The following LZTR1 variants were observed in gnomAD, a reference collection of about 807,000 sequenced individuals.
LZTR1 encodes leucine zipper like post translational regulator 1.
LZTR1 carries 260 observed loss-of-function variants against 105.7 expected under a neutral mutation model. The ratio of observed to expected loss-of-function variants is 2.46; its 90% CI spans 2.22 to 2.72. The LOEUF (loss-of-function observed/expected upper bound fraction) is 2.72, where lower values mean the gene tolerates loss of function less well. Ranked by LOEUF, LZTR1 falls within the 30% of genes most tolerant of loss-of-function variation. The probability of loss-of-function intolerance (pLI) is 0.00; values close to 1 mark genes in which losing one functional copy is unlikely to be tolerated. For synonymous variants in LZTR1, 490 were observed against 476.4 expected (o/e 1.03, Z -0.37); for missense variants, 1,214 against 1,166.9 (o/e 1.04, Z -0.59).
Position 20,994,172 on chromosome 22 carries a change from G to T in LZTR1, c.1518G>T (p.Pro506=). The T allele has an allele frequency of 6.3e-7, 1 of 1,598,782 alleles. No individual in the cohort carries two copies. The highest frequency in any genetic ancestry group is 8.5e-7 in the Non-Finnish European group (1 of 1,174,694). ...APGVAAGGAR[P]PLLHVAIREA... is the part of the protein sequence containing the mutation. ...GCGTGGCTGCTGGTGGGGCCCGGCCGCCCCTGCTGCACGTGGCCATCCGGG... is the reference window on the plus strand; with the variant it reads ...GCGTGGCTGCTGGTGGGGCCCGGCCTCCCCTGCTGCACGTGGCCATCCGGG... Residue 506 remains proline, a synonymous_variant, in exon 14 of 21, where the codon CCG becomes CCT. Transcript: ENST00000646124.
At position 20,982,355 on chromosome 22, in the gene LZTR1, T is replaced by G; in HGVS notation, c.-17T>G. The G allele has an allele frequency of 6.5e-7, 1 of 1,541,108 alleles. No homozygotes were observed. Among genetic ancestry groups the G allele is most frequent in the Non-Finnish European group, 8.8e-7 (1 of 1,141,268 alleles). On this transcript the variant is annotated 5_prime_UTR_variant, in exon 1 of 21. Transcript: ENST00000646124. ...CAAGTTGGGCTTACAGCGCGGCCGA[T>G]CCGGCGTGGACCCGGGATGGCTGGA...
At position 20,994,185 on chromosome 22, in the gene LZTR1, G is replaced by A. The variant is rs200062851; in HGVS notation, c.1531G>A (p.Val511Met). Residue 511 changes from valine (V) to methionine (M), a missense_variant, in exon 14 of 21, where the codon GTG becomes ATG. Coordinates refer to ENST00000646124, the MANE Select transcript of LZTR1 (RefSeq NM_006767.4). ...TGGGGCCCGGCCGCCCCTGCTGCAC[G>A]TGGCCATCCGGGAGGCCGAGGCCCG... ...AGGARPPLLH[V>M]AIREAEARPF... The A allele has an allele frequency of 1.0e-4, 168 of 1,602,972 alleles. 1 individual carries two copies. In the African/African-American group the frequency reaches 1.3e-3, roughly 13 times the overall value.
rs775362512 is a variant in LZTR1 at position 20,994,122 on chromosome 22, GC to G, written c.1472del (p.Pro491GlnfsTer65). ...RLAQKLEQEA[A>X]PVPREAPGVA... ...CCCACAGAAGCTGGAGCAGGAGGCC[GC>G]CCCAGTTCCCAGGGAGGCCCCCGGC... On this transcript the variant is annotated frameshift_variant, in exon 14 of 21. Coordinates refer to ENST00000646124, the MANE Select transcript of LZTR1 (RefSeq NM_006767.4). LOFTEE classifies it high-confidence loss of function. 6.3e-7 allele frequency: 1 copy of G among 1,582,190 alleles called. No homozygotes were observed. Among genetic ancestry groups the G allele is most frequent in the Non-Finnish European group, 8.6e-7 (1 of 1,162,428 alleles).
Position 20,998,451 on chromosome 22 carries a change from C to T in LZTR1, c.*1103C>T, listed in dbSNP as rs1924961714. 6.6e-6 allele frequency: 1 copy of T among 152,282 alleles called. No individual in the cohort carries two copies. Among genetic ancestry groups the T allele is most frequent in the Non-Finnish European group, 1.5e-5 (1 of 68,086 alleles). 9.4% of individuals were successfully genotyped at this position (152,282 alleles called of 1,614,324 possible). A position where few individuals can be genotyped will look rare whatever the true frequency, so the allele number is the denominator to read the frequency against. ...GTGGATCCACTCTAGTGCTGGGAGC[C>T]AGCGCTCCCTTACTGGGAACAGGAT... On this transcript the variant is annotated 3_prime_UTR_variant, in exon 21 of 21. Transcript: ENST00000646124.
At chr22:20,982,636 C>A in intron 1 of LZTR1, 65 bp downstream of exon 1, 1 of 1,525,314 alleles carries the variant, frequency 6.6e-7, no homozygotes, top group Non-Finnish European at 9.0e-7. Flanking sequence ...CAGGGCGGGT[C>A]CAGGGGCGAA....
In LZTR1 at chr22:20,983,158, T is replaced by C. The variant is rs761928850; in HGVS notation, c.263+69T>C. The stretch of plus-strand genomic sequence containing the variant: ...GTACTGTGGTCAGGGACTGGGCCTG[T>C]CCAGCTCCATTACTGTCCTTTCAGA... On this transcript the variant is annotated intron_variant, in intron 2 of 20. Coordinates refer to ENST00000646124, the MANE Select transcript of LZTR1 (RefSeq NM_006767.4). 363 of 1,336,632 alleles carry C rather than the reference T, an allele frequency of 2.7e-4. 2 individuals are homozygous for C. Among genetic ancestry groups the C allele is most frequent in the Non-Finnish European group, 3.7e-4 (344 of 927,182 alleles). 82.8% of individuals were successfully genotyped at this position (1,336,632 alleles called of 1,614,324 possible).
rs1025841516 is a variant in LZTR1 at position 20,994,176 on chromosome 22, C to T, written c.1522C>T (p.Leu508=). The T allele has an allele frequency of 2.5e-6, 4 of 1,601,878 alleles. No individual in the cohort carries two copies. The highest frequency in any genetic ancestry group is 3.4e-6 in the Non-Finnish European group (4 of 1,176,502). ...GGCTGCTGGTGGGGCCCGGCCGCCC[C>T]TGCTGCACGTGGCCATCCGGGAGGC... ...GVAAGGARPP[L]LHVAIREAEA... is the part of the protein sequence containing the mutation. The change falls in exon 14 of 21, where the codon CTG becomes TTG. Residue 508 remains leucine (L), a synonymous_variant. Coordinates refer to ENST00000646124, the MANE Select transcript of LZTR1 (RefSeq NM_006767.4).
rs373707826 is a variant in LZTR1, at chr22:20,991,672, C to T, written c.836C>T (p.Pro279Leu). Residue 279 changes from proline (P) to leucine (L), a missense_variant, in exon 9 of 21, where the codon CCA (proline) becomes CTA (leucine). By Grantham distance (98) the Pro-to-Leu change is moderately conservative (BLOSUM62 -3). Coordinates refer to ENST00000646124, the MANE Select transcript of LZTR1 (RefSeq NM_006767.4). ...GAACACCTGCTCCGGGGCTCCCCAC[C>T]ACCCCCGCAGCGGCGCTACGGGCAT... is the stretch of plus-strand genomic sequence containing the variant. The part of the protein sequence containing the change: ...PTEHLLRGSP[P>L]PPQRRYGHTM... 7.5e-6 allele frequency: 12 copies of T among 1,603,726 alleles called. No homozygotes were observed. The highest frequency in any genetic ancestry group is 8.5e-6 in the Non-Finnish European group (10 of 1,177,620).
chr22:20,988,034 C>T lies in LZTR1; in HGVS notation c.425C>T (p.Ser142Phe). 6.2e-7 allele frequency: 1 copy of T among 1,610,410 alleles called. No individual in the cohort carries two copies. ...GGGGGTTACACTGGGGACATTTATT[C>T]CAATTCTAACTTGAAGAATAAAAAC... Reference protein sequence around the residue: ...VFGGYTGDIYSNSNLKNKNDL... With the variant: ...VFGGYTGDIYFNSNLKNKNDL... Residue 142 changes from serine to phenylalanine, a missense_variant, in exon 5 of 21, where the codon TCC becomes TTC. Ser to Phe is a radical substitution (Grantham distance 155). Coordinates refer to ENST00000646124, the MANE Select transcript of LZTR1 (RefSeq NM_006767.4).
chr22:20,994,539 C>T lies in LZTR1; in HGVS notation c.1616-19C>T, dbSNP rs764648291. 14 of 1,603,760 alleles carry T rather than the reference C, an allele frequency of 8.7e-6. No individual in the cohort carries two copies. The highest frequency in any genetic ancestry group is 1.7e-4 in the Middle Eastern group (1 of 5,866). ...CTCCCCTCTCCGGCTCCCTGAGATTCGGGGGCTCTGGGGCGCAGGCCATGT... is the reference window on the plus strand; with the variant it reads ...CTCCCCTCTCCGGCTCCCTGAGATTTGGGGGCTCTGGGGCGCAGGCCATGT... On this transcript the variant is annotated intron_variant, in intron 14 of 20. Coordinates refer to ENST00000646124, the MANE Select transcript of LZTR1 (RefSeq NM_006767.4).
intron 1 of LZTR1, 53 bp from the exon 2 acceptor site, chr22:20,982,974 G>T (rs571633846): frequency 1.3e-6 from 2 of 1,517,306 alleles, no homozygotes; most frequent in Middle Eastern, 1.8e-4. Flanking sequence ...CCATTCCTTG[G>T]GTGCCCCCCA....
At chr22:20,986,072 G>A in intron 3 of LZTR1, 175 bp downstream of exon 3, 1 of 662,136 alleles carries the variant, frequency 1.5e-6, no homozygotes, top group Non-Finnish European at 2.6e-6. Flanking sequence ...GTCAGGCTGA[G>A]GAGATCAAGT....
rs762315626 is a variant in LZTR1, at chr22:20,994,588, A to G, written c.1646A>G (p.Asp549Gly). The G allele has an allele frequency of 3.7e-6, 6 of 1,611,894 alleles. No homozygotes were observed. The East Asian group carries it at 6.7e-5, about 18-fold the overall frequency. Reference sequence around the variant, plus strand: ...GTGGAGGATGTGCTGCTCATCATGGATGTGTACAAACTGGCACTGAGCTTC... The same window carrying G: ...GTGGAGGATGTGCTGCTCATCATGGGTGTGTACAAACTGGCACTGAGCTTC... The part of the protein sequence containing the change: ...GHVEDVLLIM[D>G]VYKLALSFQL... Residue 549 changes from aspartate (D) to glycine (G), a missense_variant, in exon 15 of 21, where the codon GAT becomes GGT. By Grantham distance (94) the Asp-to-Gly change is moderately conservative (BLOSUM62 -1). Transcript: ENST00000646124.
Position 20,996,065 on chromosome 22 carries a change from G to A in LZTR1, c.2172G>A (p.Leu724=), listed in dbSNP as rs754646711. 2.5e-6 allele frequency: 4 copies of A among 1,613,408 alleles called. No homozygotes were observed. In the South Asian group the frequency reaches 4.4e-5, roughly 18 times the overall value. ...GCAGGCAGGCCTTCGAGTCCATGCT[G>A]CGCTACATCTACTACGGCGAGGTCA... ...VPSRQAFESM[L]RYIYYGEVNM... The change falls in exon 18 of 21, where the codon CTG becomes CTA. Residue 724 remains leucine, a synonymous_variant. Transcript: ENST00000646124.
At position 20,998,326 on chromosome 22, in the gene LZTR1, TG is replaced by T; in HGVS notation, c.*982del. ...CCCTTCCAGGGGAATCCTGGAGGCCTGGGGTGGGCTCCTGCCCCTTCTGCCC... is the reference window on the plus strand; with the variant it reads ...CCCTTCCAGGGGAATCCTGGAGGCCTGGGTGGGCTCCTGCCCCTTCTGCCC... On this transcript the variant is annotated 3_prime_UTR_variant, in exon 21 of 21. Transcript: ENST00000646124. 1 of 152,484 alleles carries T rather than the reference TG, an allele frequency of 6.6e-6. No homozygotes were observed. Among genetic ancestry groups the T allele is most frequent in the Non-Finnish European group, 1.5e-5 (1 of 68,152 alleles). 9.4% of individuals were successfully genotyped at this position (152,484 alleles called of 1,614,324 possible).
Position 20,987,543 on chromosome 22 carries a change from C to T in LZTR1, c.360C>T (p.His120=), listed in dbSNP as rs1249605552. Reference sequence around the variant, plus strand: ...GGACCCCACCGGCCCCCCGTTACCACCACTCGGCCGTCGTCTATGGGAGCA... The same window carrying T: ...GGACCCCACCGGCCCCCCGTTACCATCACTCGGCCGTCGTCTATGGGAGCA... ...TTGTPPAPRY[H]HSAVVYGSSM... is the part of the protein sequence containing the mutation. Residue 120 remains histidine (H), a synonymous_variant, in exon 4 of 21, where the codon CAC becomes CAT. Coordinates refer to ENST00000646124, the MANE Select transcript of LZTR1 (RefSeq NM_006767.4). 3 of 1,614,060 alleles carry T rather than the reference C, an allele frequency of 1.9e-6. No homozygotes were observed. In the African/African-American group the frequency reaches 4.0e-5, roughly 22 times the overall value.
Position 20,992,665 on chromosome 22 carries a change from C to G in LZTR1, c.1150-129C>G, listed in dbSNP as rs1049263098. ...TGTGTCTGTACCCAGGGGCCCTCAT[C>G]CCTTGGGGACCCTGCCCCCTGGCCC... is the stretch of plus-strand genomic sequence containing the variant. On this transcript the variant is annotated intron_variant, in intron 10 of 20. Transcript: ENST00000646124. 4.5e-6 allele frequency: 3 copies of G among 668,296 alleles called. No individual in the cohort carries two copies. In the East Asian group the frequency reaches 8.2e-5, roughly 18 times the overall value. 41.4% of individuals were successfully genotyped at this position (668,296 alleles called of 1,614,324 possible).
intron 4 of LZTR1, 86 bp from the exon 5 acceptor site, chr22:20,987,924 G>T: frequency 1.2e-6 from 1 of 815,686 alleles, no homozygotes; most frequent in South Asian, 1.6e-5. Context: ...CATTTTCAGG[G>T]GGGCCAGATT....
Position 20,994,215 on chromosome 22 carries a change from T to C in LZTR1, c.1561T>C (p.Phe521Leu). Residue 521 changes from phenylalanine (F) to leucine (L), a missense_variant, in exon 14 of 21, where the codon TTC (phenylalanine) becomes CTC (leucine). Transcript: ENST00000646124. ...VAIREAEARP[F>L]EVLMQFLYTD... Reference sequence around the variant, plus strand: ...CATCCGGGAGGCCGAGGCCCGGCCCTTCGAGGTGCTCATGCAGTTCCTCTA... The same window carrying C: ...CATCCGGGAGGCCGAGGCCCGGCCCCTCGAGGTGCTCATGCAGTTCCTCTA... The C allele has an allele frequency of 1.9e-6, 3 of 1,601,508 alleles. No homozygotes were observed. The highest frequency in any genetic ancestry group is 2.5e-6 in the Non-Finnish European group (3 of 1,179,330).
Sources: gnomAD v4.1 joint callset for allele counts on GRCh38, gnomAD v4.1.1 for gene constraint, MANE v1.5 for transcripts, NCBI Gene and HGNC (gene_info 2026-07-23, HGNC 2026-07-21) for gene names.